Variants in ZNF143 observed in about 807,000 individuals in gnomAD.
ZNF143 encodes SPH-binding factor.
Under a neutral mutation model 74.1 loss-of-function variants are expected in ZNF143, and 49 were observed. The ratio of observed to expected loss-of-function variants is 0.66; its 90% CI spans 0.53 to 0.84. The LOEUF is 0.84. ZNF143 is among the 40% of genes least tolerant of loss of function. ZNF143 has a pLI of 0.00. For synonymous variants in ZNF143, 304 were observed against 282.8 expected, an observed-to-expected ratio of 1.07 and a Z score of -0.75; for missense variants, 637 against 793.4, an observed-to-expected ratio of 0.80 and a Z score of 2.37.
chr11:9,477,451 T>C (rs1256587175), intron 5 of ZNF143, among the ~76,000 whole-genome samples: 4 of 152,016 alleles, frequency 2.6e-5, no homozygotes, highest in African/African-American at 9.7e-5. Flanking sequence ...GAGATGGGAT[T>C]TCACCATGTT....
chr11:9,483,991 G>A (rs1230976299), intron 7 of ZNF143, among the ~76,000 whole-genome samples: 9 of 150,192 alleles, frequency 6.0e-5, no homozygotes, highest in African/African-American at 1.5e-4. Context: ...CTCGTGATCC[G>A]CCCGCCTCAG....
chr11:9,464,076 GTGTGTGTGTT>G (rs1174158279), intron 1 of ZNF143, among the ~76,000 whole-genome samples: 66 of 135,366 alleles, frequency 4.9e-4, no homozygotes, highest in South Asian at 4.1e-3. Context: ...GGGATGTCGT[GTGTGTGTGTT>G]TGTGTGTGTG....
intron 15 of ZNF143, among the ~76,000 whole-genome samples, chr11:9,525,868 A>G (rs951944680): frequency 2.0e-5 from 3 of 152,156 alleles, no homozygotes; most frequent in African/African-American, 7.2e-5. Flanking sequence ...GCAGCCGGGC[A>G]TGGTGGCTCA....
chr11:9,485,352 T>TA (rs1485061199), intron 7 of ZNF143, among the ~76,000 whole-genome samples: 4 of 142,432 alleles, frequency 2.8e-5, no homozygotes, highest in Non-Finnish European at 6.1e-5. Flanking sequence ...TCTCTCTTTT[T>TA]TTTTTTTTTT....
rs1849173238 is a variant in ZNF143, at chr11:9,527,548, C to G, written c.1852C>G (p.Leu618Val). Residue 618 changes from leucine (L) to valine (V), a missense_variant, in exon 16 of 16, where the codon CTG becomes GTG. Around this residue, in one of 2 missense-constraint regions of ZNF143, gnomAD observed 344 missense variants for 485.6 expected, o/e 0.71. Coordinates refer to ENST00000396602, the MANE Select transcript of ZNF143 (RefSeq NM_003442.6). ...IAVQLGEQPSLEEAIRIASRI... is the reference protein window; with the variant it reads ...IAVQLGEQPSVEEAIRIASRI... ...GTTTCAGCTTGGAGAACAGCCATCT[C>G]TGGAAGAAGCCATCAGAATAGCGTC... 3 of 1,614,082 alleles carry G rather than the reference C, an allele frequency of 1.9e-6. No homozygotes were observed. The highest frequency in any genetic ancestry group is 2.5e-6 in the Non-Finnish European group (3 of 1,179,988).
intron 5 of ZNF143, among the ~76,000 whole-genome samples, chr11:9,474,968 G>T (rs1199787769): frequency 6.6e-6 from 1 of 152,144 alleles, no homozygotes; most frequent in Non-Finnish European, 1.5e-5. Flanking sequence ...GCTCACTGCA[G>T]CCTCAAACTC....
chr11:9,508,525 A>T, intron 11 of ZNF143, 94 bp from the exon 12 acceptor site: 1 of 1,127,428 alleles, frequency 8.9e-7, no homozygotes, highest in Non-Finnish European at 1.3e-6. Context: ...GCAATTCTTT[A>T]TTTTTAGAGG....
intron 14 of ZNF143, among the ~76,000 whole-genome samples, chr11:9,523,965 T>C (rs1435667932): frequency 6.7e-6 from 1 of 150,154 alleles, no homozygotes; most frequent in Non-Finnish European, 1.5e-5. Context: ...GAAGAATCGC[T>C]TGAACCTGGG....
At position 9,474,563 on chromosome 11, in the gene ZNF143, G is replaced by A. The variant is rs1856772654; in HGVS notation, c.303G>A (p.Leu101=). The change falls in exon 5 of 16, where the codon TTG becomes TTA. Residue 101 remains leucine (L), a synonymous_variant. Transcript: ENST00000396602. The part of the protein sequence containing the change: ...VPIPKSTGDS[L]RLEDGQAVQL... ...ATTGTTCTTGAGCAGGGGACAGTTT[G>A]CGTCTAGAGGATGGTCAAGCAGTAC... 15 of 1,614,026 alleles carry A rather than the reference G, an allele frequency of 9.3e-6. No homozygotes were observed. The highest frequency in any genetic ancestry group is 1.7e-5 in the Admixed American group (1 of 59,984).
At chr11:9,479,620 T>C in intron 7 of ZNF143, 74 bp downstream of exon 7, 2 of 1,216,828 alleles carry the variant, frequency 1.6e-6, no homozygotes, top group Admixed American at 1.9e-5. Flanking sequence ...AAAGCAAGAA[T>C]AGGTAACTCA....
chr11:9,515,735 T>A (rs985880625), intron 13 of ZNF143, among the ~76,000 whole-genome samples: 1 of 151,294 alleles, frequency 6.6e-6, no homozygotes, highest in Non-Finnish European at 1.5e-5. Flanking sequence ...ATCCCAGCAC[T>A]TTTGGGAGGC....
intron 14 of ZNF143, among the ~76,000 whole-genome samples, chr11:9,524,045 CA>C (rs533664056): frequency 0.093 from 8,079 of 86,702 alleles, 233 homozygotes; most frequent in Non-Finnish European, 0.11. Flanking sequence ...GAGACTACCT[CA>C]AAAAAAAAAA....
At chr11:9,501,366 T>C in intron 11 of ZNF143, 96 bp downstream of exon 11, 1 of 1,387,318 alleles carries the variant, frequency 7.2e-7, no homozygotes, top group Non-Finnish European at 9.9e-7. Flanking sequence ...CTTCCCTCCT[T>C]TCTATCACTT....
intron 11 of ZNF143, 38 bp from the exon 12 acceptor site, chr11:9,508,581 A>G: frequency 6.3e-7 from 1 of 1,589,664 alleles, no homozygotes. Flanking sequence ...TTGCCTACAT[A>G]TGTAAAAGTT....
chr11:9,498,856 G>C (rs189385199), intron 10 of ZNF143, among the ~76,000 whole-genome samples: 211 of 152,280 alleles, frequency 1.4e-3, no homozygotes, highest in African/African-American at 4.5e-3. Flanking sequence ...GATTCTTGCA[G>C]CTATTAATGT....
At chr11:9,480,074 G>A (rs148524864) in intron 7 of ZNF143, among the ~76,000 whole-genome samples, 2 of 152,258 alleles carry the variant, frequency 1.3e-5, no homozygotes, top group East Asian at 3.9e-4. Context: ...GTCTGCAGGT[G>A]GCCTGTGGGC....
intron 14 of ZNF143, among the ~76,000 whole-genome samples, chr11:9,519,267 A>G (rs1393475386): frequency 6.6e-6 from 1 of 151,018 alleles, no homozygotes; most frequent in African/African-American, 2.4e-5. Flanking sequence ...GCTGGAGTGC[A>G]GTGGCACGTT....
chr11:9,479,747 A>T (rs1388098735), intron 7 of ZNF143, among the ~76,000 whole-genome samples: 2 of 152,146 alleles, frequency 1.3e-5, no homozygotes, highest in Non-Finnish European at 2.9e-5. Context: ...GATGCTAAAG[A>T]AATGGAAGTA....
chr11:9,525,367 G>A lies in ZNF143; in HGVS notation c.1814G>A (p.Gly605Asp). 6.2e-7 allele frequency: 1 copy of A among 1,614,106 alleles called. No homozygotes were observed. Among genetic ancestry groups the A allele is most frequent in the Non-Finnish European group, 8.5e-7 (1 of 1,180,004 alleles). The change falls in exon 15 of 16, where the codon GGC (glycine) becomes GAC (aspartate). Residue 605 changes from glycine to aspartate, a missense_variant. Gly to Asp is a moderately conservative substitution (Grantham distance 94). Transcript: ENST00000396602. ...RPLTLVATSN[G>D]TQIAVQLGEQ... ...CTGACCTTAGTAGCAACATCCAATG[G>A]CACCCAGATTGCAGTTCAGGTGAGT...
Sources: allele counts gnomAD v4.1 joint callset (sites outside exome capture counted in the v4.1 genomes callset), GRCh38; gene constraint gnomAD v4.1.1; regional missense constraint gnomAD v4.1.1; transcripts MANE v1.5; gene names NCBI Gene and HGNC (gene_info 2026-07-23, HGNC 2026-07-21).